The following CKAP5 variants were observed in gnomAD, a reference collection of about 807,000 sequenced individuals.
CKAP5 encodes the protein cytoskeleton-associated protein 5.
In CKAP5, 27 loss-of-function variants were observed where a neutral mutation model predicts 232.8. That is an observed-to-expected ratio of 0.12 (90% CI 0.09 to 0.16). The LOEUF is 0.16. Ranked by LOEUF, CKAP5 falls within the 10% of genes least tolerant of loss-of-function variation. CKAP5 has a pLI of 1.00. For synonymous variants in CKAP5, 785 were observed against 841.1 expected (o/e 0.93, Z 1.16); for missense variants, 1,838 against 2,424.7 (o/e 0.76, Z 5.08).
At chr11:46,844,546 C>G (rs553625864) in intron 1 of CKAP5, among the ~76,000 whole-genome samples, 1 of 152,330 alleles carries the variant, frequency 6.6e-6, no homozygotes, top group South Asian at 2.1e-4. Context: ...CAAAACTGAT[C>G]AAGACTTTAA....
chr11:46,821,295 T>C, intron 1 of CKAP5, 27 bp from the exon 2 acceptor site: 1 of 1,122,496 alleles, frequency 8.9e-7, no homozygotes, highest in South Asian at 1.3e-5. Context: ...AGAAACCTGC[T>C]TAGCAACCAG....
Position 46,755,065 on chromosome 11 carries a change from G to A in CKAP5, c.4692C>T (p.Ile1564=), listed in dbSNP as rs768394589. The A allele has an allele frequency of 8.2e-6, 13 of 1,593,454 alleles. No homozygotes were observed. Among genetic ancestry groups the A allele is most frequent in the African/African-American group, 2.7e-5 (2 of 73,822 alleles). ...INTSIQALTQ[I]DEVLRQEDKA... ...TGTCTTCCTGTCTCAGGACCTCATCGATCTGATAACAAAAATTTCAAGATA... is the reference window on the plus strand; with the variant it reads ...TGTCTTCCTGTCTCAGGACCTCATCAATCTGATAACAAAAATTTCAAGATA... The change falls in exon 36 of 44, where the codon ATC becomes ATT. Residue 1564 remains isoleucine (I), a splice_region_variant and synonymous_variant. Coordinates refer to ENST00000529230, the MANE Select transcript of CKAP5 (RefSeq NM_001008938.4).
intron 24 of CKAP5, among the ~76,000 whole-genome samples, chr11:46,775,231 GAA>G (rs1480023798): frequency 6.6e-6 from 1 of 152,196 alleles, no homozygotes; most frequent in Non-Finnish European, 1.5e-5. Flanking sequence ...ACAAACATAT[GAA>G]AAAGATCATC....
intron 1 of CKAP5, among the ~76,000 whole-genome samples, chr11:46,844,972 T>A (rs976017191): frequency 7.9e-5 from 12 of 152,304 alleles, no homozygotes; most frequent in East Asian, 3.9e-4. Context: ...TATTTAAAAA[T>A]TTTTTTACAT....
At chr11:46,793,437 T>C (rs1430148997) in intron 13 of CKAP5, among the ~76,000 whole-genome samples, 1 of 152,234 alleles carries the variant, frequency 6.6e-6, no homozygotes, top group Non-Finnish European at 1.5e-5. Flanking sequence ...AAGAATGCCG[T>C]AATTGCCACT....
At chr11:46,760,554 G>A (rs1323973385) in intron 33 of CKAP5, 58 bp downstream of exon 33, 1 of 1,545,790 alleles carries the variant, frequency 6.5e-7, no homozygotes, top group Non-Finnish European at 8.9e-7. Flanking sequence ...GACAGGCTGT[G>A]AGCACACAAG....
intron 1 of CKAP5, among the ~76,000 whole-genome samples, chr11:46,841,648 T>C (rs1940054467): frequency 1.3e-5 from 2 of 152,152 alleles, no homozygotes; most frequent in South Asian, 4.1e-4. Flanking sequence ...CAGAGATGGA[T>C]CCAACTGCCT....
chr11:46,748,549 C>T (rs780081213), intron 42 of CKAP5, among the ~76,000 whole-genome samples: 10 of 151,936 alleles, frequency 6.6e-5, no homozygotes, highest in East Asian at 2.0e-4. Flanking sequence ...CCGAAGTGGG[C>T]GGATCACGAG....
intron 18 of CKAP5, among the ~76,000 whole-genome samples, chr11:46,782,162 A>C (rs1052929834): frequency 6.6e-6 from 1 of 151,954 alleles, no homozygotes; most frequent in Non-Finnish European, 1.5e-5. Flanking sequence ...CTCTCTATAT[A>C]TATATTTTTA....
At chr11:46,835,974 G>A (rs1037970116) in intron 1 of CKAP5, among the ~76,000 whole-genome samples, 3 of 152,176 alleles carry the variant, frequency 2.0e-5, no homozygotes, top group Non-Finnish European at 2.9e-5. Flanking sequence ...CCAAAAACAC[G>A]TAATTCTTGA....
In CKAP5 at chr11:46,763,991, A is replaced by C. The variant is rs112676350; in HGVS notation, c.3538-361T>G. The stretch of plus-strand genomic sequence containing the variant: ...GCTGGGACTACAGACATGCACCACT[A>C]TGCCCAGCTAATTAAAAAATTTTTT... On this transcript the variant is annotated intron_variant, in intron 28 of 43. Coordinates refer to ENST00000529230, the MANE Select transcript of CKAP5 (RefSeq NM_001008938.4). Among the ~76,000 whole-genome samples, 422 of 152,218 alleles carry C rather than the reference A, an allele frequency of 2.8e-3. 3 individuals are homozygous for C. Among genetic ancestry groups the C allele is most frequent in the African/African-American group, 9.6e-3 (399 of 41,520 alleles).
chr11:46,744,064 A>C lies in CKAP5; in HGVS notation c.6058T>G (p.Leu2020Val). The change falls in exon 44 of 44, where the codon TTG becomes GTG. Residue 2020 changes from leucine to valine, a missense_variant. Leu to Val is a conservative substitution (Grantham distance 32). This residue lies in a region of CKAP5 where 62 missense variants were observed against 61.1 expected (regional missense o/e 1.01). Transcript: ENST00000529230. ...TTTATTCTCTCCAGTCTTTTTTTCA[A>C]GTCGTCTATGTTAGCTGTGGAGGAG... ...SSSSTANIDDLKKRLERIKSS... is the reference protein window; with the variant it reads ...SSSSTANIDDVKKRLERIKSS... 6.2e-7 allele frequency: 1 copy of C among 1,613,672 alleles called. No individual in the cohort carries two copies. Among genetic ancestry groups the C allele is most frequent in the Non-Finnish European group, 8.5e-7 (1 of 1,179,998 alleles).
rs763763033 is a variant in CKAP5 at position 46,753,467 on chromosome 11, C to A, written c.4900G>T (p.Ala1634Ser). Reference sequence around the variant, plus strand: ...AGGTCTTTTAGTACTCCAGTGGAGGCCTCCCGGGCAAGGCTCTCTATCTGA... The same window carrying A: ...AGGTCTTTTAGTACTCCAGTGGAGGACTCCCGGGCAAGGCTCTCTATCTGA... ...LFQIESLARE[A>S]STGVLKDLMH... The change falls in exon 37 of 44, where the codon GCC (alanine) becomes TCC (serine). Residue 1634 changes from alanine (A) to serine (S), a missense_variant. By Grantham distance (99) the Ala-to-Ser change is moderately conservative. Around this residue, in one of 6 missense-constraint regions of CKAP5, gnomAD observed 579 missense variants for 843.2 expected, o/e 0.69. Coordinates refer to ENST00000529230, the MANE Select transcript of CKAP5 (RefSeq NM_001008938.4). 2 of 1,612,672 alleles carry A rather than the reference C, an allele frequency of 1.2e-6. No homozygotes were observed. Among genetic ancestry groups the A allele is most frequent in the Non-Finnish European group, 8.5e-7 (1 of 1,179,548 alleles).
In CKAP5 at chr11:46,795,621, T is replaced by C; in HGVS notation, c.1623A>G (p.Gly541=). 1.2e-6 allele frequency: 2 copies of C among 1,613,942 alleles called. No individual in the cohort carries two copies. Among genetic ancestry groups the C allele is most frequent in the Non-Finnish European group, 1.7e-6 (2 of 1,179,910 alleles). The change falls in exon 13 of 44, where the codon GGA becomes GGG. Residue 541 remains glycine (G), a synonymous_variant. Coordinates refer to ENST00000529230, the MANE Select transcript of CKAP5 (RefSeq NM_001008938.4). ...TAGCAGCAGGTGCCTTTTTTAGAGGTCCTGGTTTGGGTGCAGAAATGTCCT... is the reference window on the plus strand; with the variant it reads ...TAGCAGCAGGTGCCTTTTTTAGAGGCCCTGGTTTGGGTGCAGAAATGTCCT... The part of the protein sequence containing the change: ...DTKDISAPKP[G]PLKKAPAAKA...
intron 1 of CKAP5, among the ~76,000 whole-genome samples, chr11:46,845,807 A>G (rs1368153919): frequency 1.3e-5 from 2 of 152,208 alleles, no homozygotes; most frequent in Non-Finnish European, 2.9e-5. Flanking sequence ...CAACCACCAC[A>G]GCCCTCGTAG....
chr11:46,783,419 A>G, intron 17 of CKAP5, 51 bp from the exon 18 acceptor site: 1 of 1,155,668 alleles, frequency 8.7e-7, no homozygotes, highest in Non-Finnish European at 1.3e-6. Flanking sequence ...TTTCTTATAG[A>G]AATACAGCAT....
intron 27 of CKAP5, 61 bp downstream of exon 27, chr11:46,767,514 A>C: frequency 2.0e-6 from 2 of 1,007,904 alleles, no homozygotes; most frequent in Non-Finnish European, 1.5e-6. Flanking sequence ...TAATAGAATG[A>C]CTCAGTATAT....
rs1343622029 is a variant in CKAP5, at chr11:46,833,900, G to A, written c.-38+12320C>T. On this transcript the variant is annotated intron_variant, in intron 1 of 43. Coordinates refer to ENST00000529230, the MANE Select transcript of CKAP5 (RefSeq NM_001008938.4). ...ATCATCATTATTGAGATGGAGTTTT[G>A]CTCTTGTTGCCCAGGCTGGAGTGCA... Among the ~76,000 whole-genome samples the A allele has an allele frequency of 2.6e-5, 4 of 151,700 alleles. No homozygotes were observed. The East Asian group carries it at 7.8e-4, about 30-fold the overall frequency.
chr11:46,816,486 C>T (rs1447726357), intron 3 of CKAP5, 82 bp from the exon 4 acceptor site: 5 of 962,892 alleles, frequency 5.2e-6, no homozygotes, highest in African/African-American at 1.6e-5. Flanking sequence ...TGTACTAGTA[C>T]TTTTACAAAT....
Sources: allele counts gnomAD v4.1 joint callset (sites outside exome capture counted in the v4.1 genomes callset), GRCh38; gene constraint gnomAD v4.1.1; regional missense constraint gnomAD v4.1.1; transcripts MANE v1.5; gene names NCBI Gene and HGNC (gene_info 2026-07-23, HGNC 2026-07-21).